Variants in FAAH2 observed in about 807,000 individuals in gnomAD.
FAAH2 encodes the protein fatty acid amide hydrolase 2, also known as fatty-acid amide hydrolase 2.
Under a neutral mutation model 36.9 loss-of-function variants are expected in FAAH2, and 60 were observed. The observed-to-expected ratio is 1.63, with a 90% CI of 1.32 to 2.02. The LOEUF (loss-of-function observed/expected upper bound fraction) is 2.02. Ranked by LOEUF, FAAH2 falls within the 30% of genes most tolerant of loss-of-function variation. FAAH2 has a pLI of 0.00. For synonymous variants in FAAH2, 214 were observed against 143.8 expected (o/e 1.49, Z -3.49); for missense variants, 689 against 397.5 (o/e 1.73, Z -6.23).
chrX:57,224,198 G>A, the FAAH2 span, among the ~76,000 whole-genome samples: 1 of 111,567 alleles, frequency 9.0e-6, no homozygotes. Context: ...ATAAGGCCAT[G>A]CCTCTCCCTG....
chrX:57,466,761 A>C (rs778776256), intron 10 of FAAH2, among the ~76,000 whole-genome samples: 3 of 111,725 alleles, frequency 2.7e-5, no homozygotes, highest in Non-Finnish European at 5.6e-5. Flanking sequence ...GAGTATATAC[A>C]CAAGGCTTCT....
At chrX:57,387,962 C>T (rs2055068618) in intron 7 of FAAH2, among the ~76,000 whole-genome samples, 1 of 110,578 alleles carries the variant, frequency 9.0e-6, no homozygotes, top group Non-Finnish European at 1.9e-5. Flanking sequence ...CATTCCCAAG[C>T]TATTGTCAGA....
chrX:57,137,327 T>A, the FAAH2 span: 1 of 757,362 alleles, frequency 1.3e-6, no homozygotes, highest in African/African-American at 2.3e-5. Flanking sequence ...GAGTGACTGC[T>A]TGCAAGAGCG....
At chrX:57,424,403 C>A (rs1428115977) in intron 7 of FAAH2, among the ~76,000 whole-genome samples, 1 of 111,982 alleles carries the variant, frequency 8.9e-6, no homozygotes, top group Admixed American at 9.4e-5. Flanking sequence ...TGGCTCTTAC[C>A]TGTAAGCAAC....
At chrX:57,352,345 C>A (rs1028499757) in intron 5 of FAAH2, among the ~76,000 whole-genome samples, 1 of 106,244 alleles carries the variant, frequency 9.4e-6, no homozygotes, top group Non-Finnish European at 2.0e-5. Flanking sequence ...ATCACATCAA[C>A]AGAATCAAGA....
chrX:57,338,133 G>A (rs963029026), intron 4 of FAAH2, among the ~76,000 whole-genome samples: 7 of 111,575 alleles, frequency 6.3e-5, no homozygotes, highest in Non-Finnish European at 1.1e-4. Context: ...TAATCACCTG[G>A]GTGCAGGCGG....
the FAAH2 span, among the ~76,000 whole-genome samples, chrX:57,141,167 A>AT: frequency 2.6e-4 from 29 of 110,591 alleles, no homozygotes; most frequent in African/African-American, 8.2e-4. Flanking sequence ...ATTTCATTGA[A>AT]TTTTTTTTGG....
chrX:57,220,710 C>A, the FAAH2 span, among the ~76,000 whole-genome samples: 5 of 111,900 alleles, frequency 4.5e-5, no homozygotes, highest in South Asian at 3.7e-4. Flanking sequence ...CTCCACCTGG[C>A]GCCTATTTCA....
chrX:57,261,847 A>T, the FAAH2 span, among the ~76,000 whole-genome samples: 1 of 111,396 alleles, frequency 9.0e-6, no homozygotes, highest in East Asian at 2.8e-4. Flanking sequence ...TTAAGATGAG[A>T]AATAACAAAG....
chrX:57,151,777 C>T, the FAAH2 span, among the ~76,000 whole-genome samples: 1 of 111,769 alleles, frequency 8.9e-6, no homozygotes, highest in Non-Finnish European at 1.9e-5. Context: ...CATTCTCCGT[C>T]CAGGTTTGTT....
the FAAH2 span, among the ~76,000 whole-genome samples, chrX:57,187,372 T>C: frequency 9.0e-6 from 1 of 110,649 alleles, no homozygotes; most frequent in Non-Finnish European, 1.9e-5. Context: ...TGCTTGTCTA[T>C]TATTGGTGTA....
intron 8 of FAAH2, among the ~76,000 whole-genome samples, chrX:57,438,247 A>G (rs1300987576): frequency 5.1e-5 from 1 of 19,508 alleles, no homozygotes; most frequent in Non-Finnish European, 8.7e-5. Flanking sequence ...GTATATATAG[A>G]TATAAGTATA....
Position 57,286,882 on chromosome X carries a change from T to C in FAAH2, c.57T>C (p.Phe19=). 1 of 1,198,122 alleles carries C rather than the reference T, an allele frequency of 8.3e-7. No individual in the cohort carries two copies. The change falls in exon 1 of 11, where the codon TTT becomes TTC. Residue 19 remains phenylalanine (F), a synonymous_variant. Transcript: ENST00000374900. The part of the protein sequence containing the change: ...IQLFLLRALG[F]LIGLVGRAAL... ...TGTTCCTCTTGCGGGCGCTAGGCTTTCTCATAGGCTTAGTAGGCCGAGCAG... is the reference window on the plus strand; with the variant it reads ...TGTTCCTCTTGCGGGCGCTAGGCTTCCTCATAGGCTTAGTAGGCCGAGCAG...
At chrX:57,216,554 A>ATGTATATATATG in the FAAH2 span, among the ~76,000 whole-genome samples, 2 of 39,738 alleles carry the variant, frequency 5.0e-5, no homozygotes, top group African/African-American at 3.7e-4. Flanking sequence ...GTATATGTAT[A>ATGTATATATATG]TATATATATA....
intron 7 of FAAH2, among the ~76,000 whole-genome samples, chrX:57,383,284 C>T (rs2054909214): frequency 8.9e-6 from 1 of 112,076 alleles, no homozygotes; most frequent in Non-Finnish European, 1.9e-5. Flanking sequence ...GATGCTGTCT[C>T]TCACCACTCC....
chrX:57,394,286 C>T (rs776871146), intron 7 of FAAH2: 20 of 927,891 alleles, frequency 2.2e-5, no homozygotes, highest in African/African-American at 5.8e-5. Context: ...TGTAGTCGTG[C>T]TTTTCCCTTC....
the FAAH2 span, among the ~76,000 whole-genome samples, chrX:57,235,885 T>C: frequency 2.6e-4 from 19 of 74,221 alleles, no homozygotes; most frequent in Non-Finnish European, 2.3e-4. Flanking sequence ...CCTGAAAATA[T>C]ACAAACATAT....
At chrX:57,217,253 T>TTC in the FAAH2 span, among the ~76,000 whole-genome samples, 23 of 110,799 alleles carry the variant, frequency 2.1e-4, no homozygotes, top group African/African-American at 6.6e-4. Flanking sequence ...GACTGTTTTT[T>TTC]TTTTTTTGTC....
At chrX:57,170,652 T>C in the FAAH2 span, among the ~76,000 whole-genome samples, 5 of 105,671 alleles carry the variant, frequency 4.7e-5, no homozygotes, top group Non-Finnish European at 5.8e-5. Context: ...TGCAAACCTG[T>C]GGTGTAGATC....
Sources: gnomAD v4.1 joint callset for allele counts (sites outside exome capture counted in the v4.1 genomes callset) on GRCh38, gnomAD v4.1.1 for gene constraint, MANE v1.5 for transcripts, NCBI Gene and HGNC (gene_info 2026-07-23, HGNC 2026-07-21) for gene names.